Variants in LYSMD2 observed in about 807,000 individuals in gnomAD.
LYSMD2 encodes lysM and putative peptidoglycan-binding domain-containing protein 2.
A neutral mutation model predicts 17.7 loss-of-function variants in LYSMD2; 6 were observed. That is an observed-to-expected ratio of 0.34 (90% confidence interval 0.19 to 0.67). The LOEUF (loss-of-function observed/expected upper bound fraction) is 0.67. Ranked by LOEUF, LYSMD2 falls within the 30% of genes least tolerant of loss-of-function variation. The pLI is 0.69. For synonymous variants in LYSMD2, 102 were observed against 129.8 expected, an observed-to-expected ratio of 0.79 and a Z score of 1.45; for missense variants, 237 against 286.7, an observed-to-expected ratio of 0.83 and a Z score of 1.25.
At chr15:51,730,880 C>T (rs991966299) in intron 1 of LYSMD2, among the ~76,000 whole-genome samples, 2 of 152,170 alleles carry the variant, frequency 1.3e-5, no homozygotes, top group African/African-American at 4.8e-5. Context: ...GATTCACCGC[C>T]ACATCTGTCT....
At chr15:51,728,884 A>T (rs76742306) in intron 1 of LYSMD2, among the ~76,000 whole-genome samples, 25 of 146,856 alleles carry the variant, frequency 1.7e-4, no homozygotes, top group Non-Finnish European at 3.2e-4. Flanking sequence ...AAAAAAAAAA[A>T]TTTGTTTCTC....
At chr15:51,749,892 G>A (rs2055688677) in intron 1 of LYSMD2, among the ~76,000 whole-genome samples, 1 of 152,132 alleles carries the variant, frequency 6.6e-6, no homozygotes, top group African/African-American at 2.4e-5. Context: ...ACTCTTTCTG[G>A]CTCAGATTTG....
At chr15:51,737,887 C>A, upstream of LYSMD2, 1 of 255,454 alleles carries the variant, frequency 3.9e-6, no homozygotes, top group African/African-American at 2.2e-5. The surrounding 1 kb of genome is among the most constrained non-coding windows in gnomAD (Gnocchi z 4.2). Context: ...CTGCCGGTAC[C>A]GGGAAGACCC....
chr15:51,750,594 T>C (rs1211895573), intron 1 of LYSMD2, among the ~76,000 whole-genome samples: 1 of 152,206 alleles, frequency 6.6e-6, no homozygotes, highest in Admixed American at 6.5e-5. Context: ...AAGCAAAGGT[T>C]ATGCTCAAAA....
upstream of LYSMD2, among the ~76,000 whole-genome samples, chr15:51,738,804 A>C (rs566450614): frequency 6.6e-6 from 1 of 152,290 alleles, no homozygotes; most frequent in African/African-American, 2.4e-5. Context: ...ACACCATCCC[A>C]CTCAAAACTC....
chr15:51,737,745 C>T (rs996113483), upstream of LYSMD2: 73 of 745,574 alleles, frequency 9.8e-5, no homozygotes, highest in Non-Finnish European at 1.3e-4. This position sits in a 1 kb window ranked among gnomAD's most constrained non-coding sequence, Gnocchi z 4.2. Context: ...GCGGGGGCGG[C>T]GGACGGGAAG....
intron 1 of LYSMD2, among the ~76,000 whole-genome samples, chr15:51,746,621 T>G (rs936844187): frequency 6.6e-6 from 1 of 152,152 alleles, no homozygotes; most frequent in African/African-American, 2.4e-5. Context: ...GAAATATGTC[T>G]TAACAAAACT....
chr15:51,744,394 A>G (rs1180883710), intron 1 of LYSMD2, among the ~76,000 whole-genome samples: 1 of 152,180 alleles, frequency 6.6e-6, no homozygotes, highest in Non-Finnish European at 1.5e-5. Context: ...ATCTATTGAT[A>G]TAATCATATG....
intron 1 of LYSMD2, among the ~76,000 whole-genome samples, chr15:51,725,882 C>T (rs1213999604): frequency 6.6e-6 from 1 of 152,080 alleles, no homozygotes; most frequent in East Asian, 1.9e-4. Flanking sequence ...GTACATATGG[C>T]TCTTTAAATG....
intron 1 of LYSMD2, among the ~76,000 whole-genome samples, chr15:51,727,027 T>G (rs1001137446): frequency 6.6e-6 from 1 of 152,146 alleles, no homozygotes; most frequent in Non-Finnish European, 1.5e-5. Flanking sequence ...AAAGATCTCA[T>G]ACACACTAAG....
chr15:51,731,067 G>C (rs1369135801), intron 1 of LYSMD2, among the ~76,000 whole-genome samples: 1 of 152,212 alleles, frequency 6.6e-6, no homozygotes, highest in Non-Finnish European at 1.5e-5. Flanking sequence ...GTGGTAGTCT[G>C]AGACTGAAGA....
intron 1 of LYSMD2, among the ~76,000 whole-genome samples, chr15:51,746,814 T>G (rs538103825): frequency 2.6e-4 from 39 of 152,040 alleles, no homozygotes; most frequent in Non-Finnish European, 4.6e-4. Flanking sequence ...ATAATCAGTT[T>G]ATCGCTCCAA....
chr15:51,725,356 A>G (rs1168188172), intron 1 of LYSMD2, among the ~76,000 whole-genome samples: 2 of 152,220 alleles, frequency 1.3e-5, no homozygotes, highest in Admixed American at 1.3e-4. Context: ...TCCACATTAT[A>G]CTATTTCTAC....
At chr15:51,737,696 C>CGCCTCT, upstream of LYSMD2, 1 of 1,079,284 alleles carries the variant, frequency 9.3e-7, no homozygotes, top group Non-Finnish European at 1.2e-6. This position sits in a 1 kb window ranked among gnomAD's most constrained non-coding sequence, Gnocchi z 4.2. Context: ...CCGCCGCCGC[C>CGCCTCT]GCCTCTTCCT....
At chr15:51,725,584 T>C (rs1043971782) in intron 1 of LYSMD2, among the ~76,000 whole-genome samples, 2 of 152,178 alleles carry the variant, frequency 1.3e-5, no homozygotes, top group African/African-American at 4.8e-5. Context: ...TTGTTACTTA[T>C]ATCATTGATC....
intron 1 of LYSMD2, among the ~76,000 whole-genome samples, chr15:51,728,676 C>G (rs1199455900): frequency 6.6e-6 from 1 of 151,830 alleles, no homozygotes; most frequent in Admixed American, 6.6e-5. Context: ...TCAAGACCAG[C>G]CTAGCCAACA....
chr15:51,737,915 G>C (rs914021804), upstream of LYSMD2: 3 of 225,770 alleles, frequency 1.3e-5, no homozygotes, highest in Admixed American at 5.7e-5. This position sits in a 1 kb window ranked among gnomAD's most constrained non-coding sequence, Gnocchi z 4.2. Flanking sequence ...CGAGGGAGCC[G>C]GGGAGCGCTG....
chr15:51,726,328 C>T (rs1044465954), intron 1 of LYSMD2, among the ~76,000 whole-genome samples: 4 of 152,186 alleles, frequency 2.6e-5, no homozygotes, highest in African/African-American at 9.7e-5. Flanking sequence ...ACACTTTGCC[C>T]GTAGCAGGTT....
intron 1 of LYSMD2, among the ~76,000 whole-genome samples, chr15:51,730,356 C>T (rs1453005383): frequency 2.0e-5 from 3 of 152,120 alleles, no homozygotes; most frequent in Non-Finnish European, 4.4e-5. Flanking sequence ...AAAAAGTATC[C>T]CCCAAAACAT....
Sources: gnomAD v4.1 joint callset for allele counts (sites outside exome capture counted in the v4.1 genomes callset) on GRCh38, gnomAD v4.1.1 for gene constraint, Gnocchi (gnomAD v3.1) non-coding constraint, MANE v1.5 for transcripts, NCBI Gene and HGNC (gene_info 2026-07-23, HGNC 2026-07-21) for gene names.